PSPC1: variants seen among roughly 807,000 people sequenced by gnomAD.
PSPC1 encodes the protein paraspeckle protein 1.
A neutral mutation model predicts 51.6 loss-of-function variants in PSPC1; 14 were observed. The ratio of observed to expected loss-of-function variants is 0.27; its 90% CI spans 0.18 to 0.42. The LOEUF is 0.42. Ranked by LOEUF, PSPC1 falls within the 10% of genes least tolerant of loss-of-function variation. The pLI is 1.00. For missense variants in PSPC1, 406 were observed against 701.1 expected (o/e 0.58, Z 4.75); for synonymous variants, 193 against 231.9 (o/e 0.83, Z 1.53).
chr13:19,674,305 A>G (rs184809445), downstream of PSPC1, among the ~76,000 whole-genome samples: 1 of 152,374 alleles, frequency 6.6e-6, no homozygotes, highest in African/African-American at 2.4e-5. Flanking sequence ...ACAATTAGAT[A>G]TGAGGAGTTT....
intron 6 of PSPC1, among the ~76,000 whole-genome samples, chr13:19,720,725 G>A (rs1882665950): frequency 6.6e-6 from 1 of 152,066 alleles, no homozygotes; most frequent in Admixed American, 6.6e-5. Flanking sequence ...ATCAAATGAA[G>A]AAGTTATCTT....
At chr13:19,754,024 T>C (rs192074449) in intron 3 of PSPC1, among the ~76,000 whole-genome samples, 12 of 152,210 alleles carry the variant, frequency 7.9e-5, no homozygotes, top group Admixed American at 4.6e-4. Context: ...ACATGATTTT[T>C]TGAAGGTGCA....
chr13:19,768,812 TA>T (rs1456615379), intron 2 of PSPC1, among the ~76,000 whole-genome samples: 3 of 150,688 alleles, frequency 2.0e-5, no homozygotes, highest in Non-Finnish European at 3.0e-5. Context: ...GAGATTGCGC[TA>T]AACTAACTAG....
At chr13:19,749,684 G>T (rs1367782450) in intron 4 of PSPC1, among the ~76,000 whole-genome samples, 1 of 149,234 alleles carries the variant, frequency 6.7e-6, no homozygotes, top group African/African-American at 2.5e-5. Context: ...TGTCGCCCAG[G>T]CTGGAGTGCA....
intron 6 of PSPC1, among the ~76,000 whole-genome samples, chr13:19,692,865 T>G (rs983410512): frequency 4.6e-5 from 7 of 152,314 alleles, no homozygotes; most frequent in African/African-American, 1.4e-4. Context: ...CTAAAGATCC[T>G]TTCAAATTCA....
rs528611736 is a variant in PSPC1, at chr13:19,735,830, A to T, written c.1053-5486T>A. ...TACTGCAAAACTACTCAAAAAAAAA[A>T]TTTTTTTTTTGAGACGCAGTCCCCT... On this transcript the variant is annotated intron_variant, in intron 5 of 8. Coordinates refer to ENST00000338910, the MANE Select transcript of PSPC1 (RefSeq NM_001354909.2). Among the ~76,000 whole-genome samples the T allele has an allele frequency of 4.9e-3, 733 of 150,078 alleles. 9 individuals are homozygous for T. The highest frequency in any genetic ancestry group is 0.016 in the African/African-American group (667 of 40,980).
In PSPC1 at chr13:19,741,512, G is replaced by A. The variant is rs370708564; in HGVS notation, c.1052+53C>T. Reference sequence around the variant, plus strand: ...TACAACTTGTAACAGGTTGTGGGGAGTTTTTATTAATAAGACATACAATTC... The same window carrying A: ...TACAACTTGTAACAGGTTGTGGGGAATTTTTATTAATAAGACATACAATTC... On this transcript the variant is annotated intron_variant, in intron 5 of 8. Coordinates refer to ENST00000338910, the MANE Select transcript of PSPC1 (RefSeq NM_001354909.2). 2.3e-5 allele frequency: 30 copies of A among 1,316,552 alleles called. No homozygotes were observed. The African/African-American group carries it at 3.4e-4, about 15-fold the overall frequency. 81.6% of individuals were successfully genotyped at this position (1,316,552 alleles called of 1,614,324 possible).
At chr13:19,719,174 A>G (rs1306170128) in intron 6 of PSPC1, among the ~76,000 whole-genome samples, 4 of 150,676 alleles carry the variant, frequency 2.7e-5, no homozygotes, top group Admixed American at 1.3e-4. Flanking sequence ...TTCTGGTAAA[A>G]CACTTTGATA....
intron 5 of PSPC1, among the ~76,000 whole-genome samples, chr13:19,730,967 A>AAAC (rs1555236502): frequency 0.015 from 2,108 of 140,522 alleles, 42 homozygotes; most frequent in Non-Finnish European, 0.026. Context: ...CAAAAAAACA[A>AAAC]AAAAAAAAAA....
At chr13:19,763,164 C>A (rs1312405928) in intron 2 of PSPC1, among the ~76,000 whole-genome samples, 1 of 151,230 alleles carries the variant, frequency 6.6e-6, no homozygotes, top group African/African-American at 2.4e-5. Flanking sequence ...TACATTTATT[C>A]TTTTTTCTTG....
chr13:19,692,439 ATT>A (rs1878681561), intron 6 of PSPC1, among the ~76,000 whole-genome samples: 1 of 152,260 alleles, frequency 6.6e-6, no homozygotes, highest in Admixed American at 6.5e-5. Flanking sequence ...AGAATGATGC[ATT>A]TTGTGGAGAA....
chr13:19,731,810 A>C, intron 5 of PSPC1, among the ~76,000 whole-genome samples: 1 of 152,220 alleles, frequency 6.6e-6, no homozygotes, highest in East Asian at 1.9e-4. Context: ...GCAAATACTG[A>C]AAATGTGAAA....
chr13:19,715,798 G>C (rs189773926), intron 6 of PSPC1, among the ~76,000 whole-genome samples: 1 of 152,058 alleles, frequency 6.6e-6, no homozygotes, highest in Non-Finnish European at 1.5e-5. Context: ...TGGATCACGA[G>C]GTCAAGAGAT....
intron 2 of PSPC1, among the ~76,000 whole-genome samples, chr13:19,765,995 CAAATAT>C (rs1335639573): frequency 6.6e-6 from 1 of 152,114 alleles, no homozygotes; most frequent in African/African-American, 2.4e-5. Flanking sequence ...TAATCCCTTT[CAAATAT>C]AAATATAAAA....
At chr13:19,749,380 C>T (rs986329017) in intron 4 of PSPC1, among the ~76,000 whole-genome samples, 4 of 151,368 alleles carry the variant, frequency 2.6e-5, no homozygotes, top group South Asian at 2.1e-4. Context: ...ATTAGCTGGG[C>T]GTGGTAGCAC....
intron 6 of PSPC1, among the ~76,000 whole-genome samples, chr13:19,724,499 A>G (rs1263488510): frequency 1.3e-5 from 2 of 152,220 alleles, no homozygotes; most frequent in African/African-American, 4.8e-5. Flanking sequence ...AGATTGGACA[A>G]TACTGATCAA....
chr13:19,705,353 C>T (rs1175302645), intron 8 of PSPC1, among the ~76,000 whole-genome samples: 5 of 152,162 alleles, frequency 3.3e-5, no homozygotes, highest in South Asian at 2.1e-4. Flanking sequence ...ATTAGCCTGG[C>T]GTGGTGGCGC....
chr13:19,780,837 G>A (rs558363574), intron 1 of PSPC1, among the ~76,000 whole-genome samples: 4 of 152,152 alleles, frequency 2.6e-5, no homozygotes, highest in South Asian at 2.1e-4. Flanking sequence ...ATTTTGTATC[G>A]TCCAGACAGA....
chr13:19,683,658 G>T (rs903502001), intron 6 of PSPC1, among the ~76,000 whole-genome samples: 2 of 152,080 alleles, frequency 1.3e-5, no homozygotes, highest in Non-Finnish European at 2.9e-5. Flanking sequence ...AAAATTATTT[G>T]TAAGTTCATG....
Sources: allele counts gnomAD v4.1 joint callset (sites outside exome capture counted in the v4.1 genomes callset), GRCh38; gene constraint gnomAD v4.1.1; transcripts MANE v1.5; gene names NCBI Gene and HGNC (gene_info 2026-07-23, HGNC 2026-07-21).